Variants in GMEB2 observed in about 807,000 individuals in gnomAD.
GMEB2 encodes glucocorticoid modulatory element-binding protein 2.
Under a neutral mutation model 45.7 loss-of-function variants are expected in GMEB2, and 7 were observed. That is an observed-to-expected ratio of 0.15 (90% CI 0.09 to 0.29). The LOEUF is 0.29. Among genes scored for constraint, GMEB2 ranks in the 10% least tolerant of loss-of-function variants. The probability of loss-of-function intolerance (pLI) is 1.00; values close to 1 mark genes in which losing one functional copy is unlikely to be tolerated. For missense variants in GMEB2, 582 were observed against 739.2 expected (o/e 0.79, Z 2.47); for synonymous variants, 322 against 323.6 (o/e 1.00, Z 0.05).
chr20:63,594,137 T>C lies in GMEB2; in HGVS notation c.620-1055A>G, dbSNP rs116666240. On this transcript the variant is annotated intron_variant, in intron 6 of 9. Transcript: ENST00000370077. ...ACTCATATTACACATCTGGAATTAT[T>C]TGGGGCGTGAATGAGTCGTTTTTCC... 5.8e-3 allele frequency among the ~76,000 whole-genome samples: 891 copies of C among 152,366 alleles called. 7 individuals are homozygous for C. The highest frequency in any genetic ancestry group is 0.021 in the African/African-American group (859 of 41,592).
Position 63,625,046 on chromosome 20 carries a change from A to C in GMEB2, c.-58+1910T>G, listed in dbSNP as rs115957347. 9.8e-3 allele frequency among the ~76,000 whole-genome samples: 1,494 copies of C among 152,232 alleles called. 27 individuals carry two copies. The highest frequency in any genetic ancestry group is 0.034 in the African/African-American group (1,429 of 41,558). On this transcript the variant is annotated intron_variant, in intron 1 of 9. Coordinates refer to ENST00000370077, the MANE Select transcript of GMEB2 (RefSeq NM_012384.5). Reference sequence around the variant, plus strand: ...ATTAAAGGTTCAAAGCAATATGCACAAAAGTTACCTCACAGAAAATAGTGC... The same window carrying C: ...ATTAAAGGTTCAAAGCAATATGCACCAAAGTTACCTCACAGAAAATAGTGC...
chr20:63,606,017 G>A (rs1330824728), intron 2 of GMEB2, among the ~76,000 whole-genome samples: 1 of 151,512 alleles, frequency 6.6e-6, no homozygotes, highest in Non-Finnish European at 1.5e-5. Flanking sequence ...GAGTGCCCCA[G>A]CAAGGATTCT....
chr20:63,593,608 C>CT lies in GMEB2; in HGVS notation c.620-527_620-526insA. Among the ~76,000 whole-genome samples the CT allele has an allele frequency of 6.6e-6, 1 of 152,138 alleles. No individual in the cohort carries two copies. Among genetic ancestry groups the CT allele is most frequent in the Admixed American group, 6.5e-5 (1 of 15,270 alleles). ...AAGTGGGGCTTTGAGAGACAGAAAC[C>CT]GTCCTGGCTCTTCCTGTGGGTCCCT... is the stretch of plus-strand genomic sequence containing the variant. On this transcript the variant is annotated intron_variant, in intron 6 of 9. Coordinates refer to ENST00000370077, the MANE Select transcript of GMEB2 (RefSeq NM_012384.5). This position sits in a 1 kb window ranked among gnomAD's most constrained non-coding sequence, Gnocchi z 4.7.
intron 2 of GMEB2, among the ~76,000 whole-genome samples, chr20:63,612,107 C>T (rs1165477297): frequency 6.6e-6 from 1 of 152,096 alleles, no homozygotes; most frequent in African/African-American, 2.4e-5. Flanking sequence ...GCAAAAGACT[C>T]TGTCAAGGTA....
chr20:63,590,913 C>T (rs1427291517), intron 9 of GMEB2, among the ~76,000 whole-genome samples, 184 bp from the exon 10 acceptor site: 2 of 152,118 alleles, frequency 1.3e-5, no homozygotes, highest in Admixed American at 6.5e-5. Flanking sequence ...CTGTGGGAGA[C>T]GGGGCCCAAG....
Position 63,592,916 on chromosome 20 carries a change from C to A in GMEB2, c.691+95G>T. On this transcript the variant is annotated intron_variant, in intron 7 of 9. Transcript: ENST00000370077. The surrounding 1 kb of genome is among the most constrained non-coding windows in gnomAD (Gnocchi z 8.2). ...CTCCACAAAGACCCTGCCGGCCCCACCTGGACTCCTGGAGCCCCTGTGTGG... is the reference window on the plus strand; with the variant it reads ...CTCCACAAAGACCCTGCCGGCCCCAACTGGACTCCTGGAGCCCCTGTGTGG... 1 of 834,950 alleles carries A rather than the reference C, an allele frequency of 1.2e-6. No individual in the cohort carries two copies. Among genetic ancestry groups the A allele is most frequent in the Non-Finnish European group, 2.0e-6 (1 of 498,622 alleles). 51.7% of individuals were successfully genotyped at this position (834,950 alleles called of 1,614,324 possible).
intron 4 of GMEB2, among the ~76,000 whole-genome samples, chr20:63,599,749 G>A (rs1331238897): frequency 6.6e-6 from 1 of 152,174 alleles, no homozygotes; most frequent in East Asian, 1.9e-4. Context: ...CAAACTCACA[G>A]GGTAATTGCC....
In GMEB2 at chr20:63,592,570, C is replaced by T; in HGVS notation, c.792G>A (p.Leu264=). 3 of 1,612,236 alleles carry T rather than the reference C, an allele frequency of 1.9e-6. No individual in the cohort carries two copies. The highest frequency in any genetic ancestry group is 2.5e-6 in the Non-Finnish European group (3 of 1,178,510). The change falls in exon 8 of 10, where the codon CTG becomes CTA. Residue 264 remains leucine (L), a synonymous_variant. Transcript: ENST00000370077. This position sits in a 1 kb window ranked among gnomAD's most constrained non-coding sequence, Gnocchi z 8.2. ...HQELVETMRG[L]QQRVQDPPLQ... is the part of the protein sequence containing the mutation. ...GGGGAGGGTCCTGGACCCGCTGCTG[C>T]AGGCCTCTCATGGTCTCCACCAGCT... is the stretch of plus-strand genomic sequence containing the variant.
Position 63,595,647 on chromosome 20 carries a change from C to A in GMEB2, c.582G>T (p.Ser194=), listed in dbSNP as rs367998927. 6.2e-7 allele frequency: 1 copy of A among 1,613,348 alleles called. No individual in the cohort carries two copies. The highest frequency in any genetic ancestry group is 8.5e-7 in the Non-Finnish European group (1 of 1,179,710). Residue 194 remains serine (S), a synonymous_variant, in exon 6 of 10, where the codon TCG becomes TCT. Transcript: ENST00000370077. ...CGGGCGTGAGGGGAATGTACTCGGC[C>A]GACGTGGGGCTGCTCAGGGACACAC... is the stretch of plus-strand genomic sequence containing the variant. ...GARVSLSSPT[S]AEYIPLTPAA...
intron 1 of GMEB2, among the ~76,000 whole-genome samples, chr20:63,626,253 G>C (rs1159241951): frequency 2.7e-5 from 4 of 149,350 alleles, no homozygotes; most frequent in Non-Finnish European, 6.0e-5. Flanking sequence ...GCGTCCCTGC[G>C]AGTTGGGTGC....
chr20:63,614,929 C>T (rs1224035373), intron 2 of GMEB2, among the ~76,000 whole-genome samples: 1 of 152,160 alleles, frequency 6.6e-6, no homozygotes, highest in African/African-American at 2.4e-5. Flanking sequence ...AATAGCGCAA[C>T]CTGGCATTCG....
At chr20:63,624,542 G>GTT (rs2089658130) in intron 1 of GMEB2, among the ~76,000 whole-genome samples, 1 of 152,144 alleles carries the variant, frequency 6.6e-6, no homozygotes, top group South Asian at 2.1e-4. Flanking sequence ...TTTCATAAGG[G>GTT]TAAGCTCAGC....
chr20:63,594,418 T>G (rs950919920), intron 6 of GMEB2, among the ~76,000 whole-genome samples: 22 of 152,288 alleles, frequency 1.4e-4, no homozygotes, highest in Non-Finnish European at 2.4e-4. Context: ...ACCCAGCCCC[T>G]CTGACCACAG....
Position 63,590,621 on chromosome 20 carries a change from G to C in GMEB2, c.1061C>G (p.Pro354Arg). 6.3e-7 allele frequency: 1 copy of C among 1,591,122 alleles called. No homozygotes were observed. The highest frequency in any genetic ancestry group is 8.6e-7 in the Non-Finnish European group (1 of 1,167,248). ...LMTLTPVSLP[P>R]PVKRPRLARA... ...TGCAAGCCGGGGCCGCTTCACAGGC[G>C]GTGGCAGGGAGACCGGCGTCAGCGT... The change falls in exon 10 of 10, where the codon CCG (proline) becomes CGG (arginine). Residue 354 changes from proline to arginine, a missense_variant. Pro to Arg is a moderately radical substitution (Grantham distance 103). Around this residue, in one of 3 missense-constraint regions of GMEB2, gnomAD observed 462 missense variants for 586.7 expected, o/e 0.79. Transcript: ENST00000370077.
At position 63,619,407 on chromosome 20, in the gene GMEB2, G is replaced by C. The variant is rs1477068512; in HGVS notation, c.-10C>G. The C allele has an allele frequency of 6.2e-7, 1 of 1,608,472 alleles. No homozygotes were observed. On this transcript the variant is annotated 5_prime_UTR_variant, in exon 2 of 10. Coordinates refer to ENST00000370077, the MANE Select transcript of GMEB2 (RefSeq NM_012384.5). The surrounding 1 kb of genome is among the most constrained non-coding windows in gnomAD (Gnocchi z 4.6). Reference sequence around the variant, plus strand: ...CGTCGGGAGTCGCCATGGCTCAGCGGAAGGGGACGCCCAGGCCAGCAGCGT... The same window carrying C: ...CGTCGGGAGTCGCCATGGCTCAGCGCAAGGGGACGCCCAGGCCAGCAGCGT...
chr20:63,625,085 A>G (rs2089661940), intron 1 of GMEB2, among the ~76,000 whole-genome samples: 1 of 152,192 alleles, frequency 6.6e-6, no homozygotes, highest in African/African-American at 2.4e-5. Flanking sequence ...TCCTTGATAC[A>G]ATGCTCTTTA....
At chr20:63,602,541 G>A (rs6011921) in intron 4 of GMEB2, among the ~76,000 whole-genome samples, 12,722 of 152,292 alleles carry the variant, frequency 0.084, 702 homozygotes, top group African/African-American at 0.15. Context: ...TAGCCCGTGT[G>A]AGGCAGCATC....
intron 2 of GMEB2, among the ~76,000 whole-genome samples, chr20:63,613,539 A>G (rs1257902119): frequency 1.9e-5 from 2 of 106,192 alleles, no homozygotes; most frequent in East Asian, 4.4e-4. Flanking sequence ...TTTTTTTTTG[A>G]GACTGAGTCT....
chr20:63,621,810 T>C (rs2089644264), intron 1 of GMEB2, among the ~76,000 whole-genome samples: 1 of 150,090 alleles, frequency 6.7e-6, no homozygotes, highest in Non-Finnish European at 1.5e-5. Flanking sequence ...AAGTACAGAA[T>C]ATAAAAACTT....
Sources: allele counts gnomAD v4.1 joint callset (sites outside exome capture counted in the v4.1 genomes callset), GRCh38; gene constraint gnomAD v4.1.1; regional missense constraint gnomAD v4.1.1; non-coding constraint Gnocchi (gnomAD v3.1); transcripts MANE v1.5; gene names NCBI Gene and HGNC (gene_info 2026-07-23, HGNC 2026-07-21).